ZNF395: variants seen among roughly 807,000 people sequenced by gnomAD.
ZNF395 encodes zinc finger protein 395.
In ZNF395, 20 loss-of-function variants were observed where a neutral mutation model predicts 57.7. The ratio of observed to expected loss-of-function variants is 0.35; its 90% CI spans 0.24 to 0.50. ZNF395 has a LOEUF of 0.50. Among genes scored for constraint, ZNF395 ranks in the 20% least tolerant of loss-of-function variants. The pLI, the probability that ZNF395 is intolerant of heterozygous loss-of-function variation, is 0.97. For missense variants in ZNF395, 606 were observed against 671.2 expected (o/e 0.90, Z 1.07); for synonymous variants, 295 against 275.9 (o/e 1.07, Z -0.69).
chr8:28,372,917 C>T (rs1001137971), intron 1 of ZNF395, among the ~76,000 whole-genome samples: 3 of 152,156 alleles, frequency 2.0e-5, no homozygotes, highest in African/African-American at 4.8e-5. Flanking sequence ...AGGAGGGCCC[C>T]AAGAGAATCC....
chr8:28,367,807 G>GT (rs1801928996), intron 1 of ZNF395, among the ~76,000 whole-genome samples: 1 of 152,228 alleles, frequency 6.6e-6, no homozygotes. Flanking sequence ...TCTTCCAGCG[G>GT]TAAGAAGAGG....
rs772548660 is a variant in ZNF395, at chr8:28,361,091, G to A, written c.34C>T (p.Arg12Trp). 8.7e-6 allele frequency: 14 copies of A among 1,612,458 alleles called. No individual in the cohort carries two copies. Among genetic ancestry groups the A allele is most frequent in the East Asian group, 2.2e-5 (1 of 44,892 alleles). ...ASVLSRRLGKRSLLGARVLGP... is the reference protein window; with the variant it reads ...ASVLSRRLGKWSLLGARVLGP... ...AACACCCGGGCTCCCAGGAGGGACC[G>A]CTTTCCAAGGCGTCGGGACAGGACA... The change falls in exon 2 of 10, where the codon CGG becomes TGG. Residue 12 changes from arginine to tryptophan, a missense_variant. Transcript: ENST00000344423.
At chr8:28,355,030 A>G (rs1020032190) in intron 4 of ZNF395, among the ~76,000 whole-genome samples, 2 of 152,106 alleles carry the variant, frequency 1.3e-5, no homozygotes, top group Non-Finnish European at 2.9e-5. Context: ...ACATAAAGCA[A>G]AACGTTATCT....
At position 28,351,800 on chromosome 8, in the gene ZNF395, C is replaced by A; in HGVS notation, c.928G>T (p.Val310Leu). ...HVKALHLGDT[V>L]DSDQFKREED... Reference sequence around the variant, plus strand: ...TCCCGCTTGAACTGATCAGAGTCCACTGTGTCCCTGTGTGGGAGGGAGATG... The same window carrying A: ...TCCCGCTTGAACTGATCAGAGTCCAATGTGTCCCTGTGTGGGAGGGAGATG... Residue 310 changes from valine (V) to leucine (L), a missense_variant, in exon 7 of 10, where the codon GTG (valine) becomes TTG (leucine). Around this residue, in one of 3 missense-constraint regions of ZNF395, gnomAD observed 261 missense variants for 240.3 expected, o/e 1.09. Coordinates refer to ENST00000344423, the MANE Select transcript of ZNF395 (RefSeq NM_018660.3). 6.5e-7 allele frequency: 1 copy of A among 1,544,016 alleles called. No individual in the cohort carries two copies. The highest frequency in any genetic ancestry group is 8.7e-7 in the Non-Finnish European group (1 of 1,146,946).
intron 9 of ZNF395, 130 bp downstream of exon 9, chr8:28,348,995 G>T: frequency 8.6e-7 from 1 of 1,158,816 alleles, no homozygotes; most frequent in Non-Finnish European, 1.3e-6. Flanking sequence ...CATCCCATCT[G>T]GTGCATCCGC....
At chr8:28,360,007 C>T (rs911539049) in intron 2 of ZNF395, among the ~76,000 whole-genome samples, 183 bp from the exon 3 acceptor site, 2 of 152,226 alleles carry the variant, frequency 1.3e-5, no homozygotes, top group African/African-American at 2.4e-5. Context: ...CCCACACAGG[C>T]CCAATTCCTC....
chr8:28,351,717 A>C lies in ZNF395; in HGVS notation c.1011T>G (p.Ala337=). The change falls in exon 7 of 10, where the codon GCT becomes GCG. Residue 337 remains alanine, a synonymous_variant. Coordinates refer to ENST00000344423, the MANE Select transcript of ZNF395 (RefSeq NM_018660.3). ...QLKEESAAAA[A]AAAAGTPVPG... ...GGACTGGGGTGCCTGCGGCAGCAGCAGCAGCAGCAGCAGCAGATTCCTCCT... is the reference window on the plus strand; with the variant it reads ...GGACTGGGGTGCCTGCGGCAGCAGCCGCAGCAGCAGCAGCAGATTCCTCCT... 1 of 1,607,620 alleles carries C rather than the reference A, an allele frequency of 6.2e-7. No homozygotes were observed. The highest frequency in any genetic ancestry group is 8.5e-7 in the Non-Finnish European group (1 of 1,179,650).
chr8:28,359,747 G>A lies in ZNF395; in HGVS notation c.318C>T (p.Val106=), dbSNP rs1324186227. The change falls in exon 3 of 10, where the codon GTC becomes GTT. Residue 106 remains valine, a synonymous_variant. Coordinates refer to ENST00000344423, the MANE Select transcript of ZNF395 (RefSeq NM_018660.3). The surrounding 1 kb of genome is among the most constrained non-coding windows in gnomAD (Gnocchi z 4.7). ...QHSWMEGQVT[V]WLLEQKLQVC... ...CCTGCAGCTTCTGCTCCAGCAGCCA[G>A]ACGGTCACCTGACCCTCCATCCAGC... The A allele has an allele frequency of 6.2e-7, 1 of 1,614,134 alleles. No individual in the cohort carries two copies. Among genetic ancestry groups the A allele is most frequent in the Middle Eastern group, 1.6e-4 (1 of 6,062 alleles).
intron 1 of ZNF395, among the ~76,000 whole-genome samples, chr8:28,377,136 A>G (rs1802051367): frequency 6.6e-6 from 1 of 152,262 alleles, no homozygotes; most frequent in Admixed American, 6.5e-5. Context: ...AAAGTTTTAA[A>G]TAATCAGGGC....
At chr8:28,381,048 TG>T (rs1333937641) in intron 1 of ZNF395, among the ~76,000 whole-genome samples, 9 of 148,904 alleles carry the variant, frequency 6.0e-5, no homozygotes, top group Non-Finnish European at 1.2e-4. Flanking sequence ...TGTGTGTGTG[TG>T]TGTGTGTGTT....
chr8:28,363,191 G>A (rs950734457), intron 1 of ZNF395, among the ~76,000 whole-genome samples: 2 of 151,682 alleles, frequency 1.3e-5, no homozygotes, highest in African/African-American at 2.4e-5. Flanking sequence ...GAGTGCAGTG[G>A]CGTGATCTCA....
rs1280095663 is a variant in ZNF395, at chr8:28,366,117, G to A, written c.-58-4935C>T. On this transcript the variant is annotated intron_variant, in intron 1 of 9. Transcript: ENST00000344423. ...CGTGGGGTTTATTTTAACTTAAGAA[G>A]GGTGAAGTTTGGAGTAAGACTCCTA... is the stretch of plus-strand genomic sequence containing the variant. Among the ~76,000 whole-genome samples, 3 of 152,198 alleles carry A rather than the reference G, an allele frequency of 2.0e-5. No homozygotes were observed. In the East Asian group the frequency reaches 5.8e-4, roughly 29 times the overall value.
chr8:28,383,555 C>T (rs539008361), intron 1 of ZNF395, among the ~76,000 whole-genome samples: 1 of 152,294 alleles, frequency 6.6e-6, no homozygotes, highest in South Asian at 2.1e-4. Context: ...TTAGAAGAAT[C>T]AACAGCCCAT....
intron 7 of ZNF395, 63 bp downstream of exon 7, chr8:28,351,432 A>G (rs1408699783): frequency 1.4e-5 from 21 of 1,500,000 alleles, no homozygotes; most frequent in Non-Finnish European, 1.9e-5. Context: ...GGTAGCCTGT[A>G]ATCAAGCTGG....
rs1367170336 is a variant in ZNF395 at position 28,348,170 on chromosome 8, G to C, written c.*549C>G. 6.6e-6 allele frequency: 1 copy of C among 152,074 alleles called. No individual in the cohort carries two copies. The highest frequency in any genetic ancestry group is 2.4e-5 in the African/African-American group (1 of 41,346). The allele number at this position is 152,074 out of a possible 1,614,324, so 9.4% of individuals were successfully genotyped here. A position where few individuals can be genotyped will look rare whatever the true frequency, so the allele number is the denominator to read the frequency against. The stretch of plus-strand genomic sequence containing the variant: ...ACTTCCATGCAGGATGCTCAGACAG[G>C]GAACAGGAGGTACCCTCCGAGAAGG... On this transcript the variant is annotated 3_prime_UTR_variant, in exon 10 of 10. Coordinates refer to ENST00000344423, the MANE Select transcript of ZNF395 (RefSeq NM_018660.3).
intron 1 of ZNF395, among the ~76,000 whole-genome samples, chr8:28,367,675 C>T (rs976365352): frequency 6.6e-5 from 10 of 152,156 alleles, no homozygotes; most frequent in Non-Finnish European, 1.0e-4. Context: ...TTCACACTAC[C>T]CTATTACACA....
Position 28,357,876 on chromosome 8 carries a change from C to T in ZNF395, c.474-1097G>A, listed in dbSNP as rs183125788. Among the ~76,000 whole-genome samples, 42 of 152,162 alleles carry T rather than the reference C, an allele frequency of 2.8e-4. No individual in the cohort carries two copies. In the East Asian group the frequency reaches 7.3e-3, roughly 27 times the overall value. ...ATCTTGTATATAAGACAATTTCAGT[C>T]GACAGATTTTCCTTTTAAATCTTAA... On this transcript the variant is annotated intron_variant, in intron 3 of 9. Coordinates refer to ENST00000344423, the MANE Select transcript of ZNF395 (RefSeq NM_018660.3).
intron 1 of ZNF395, among the ~76,000 whole-genome samples, chr8:28,380,267 C>T (rs1802093360): frequency 6.6e-6 from 1 of 152,198 alleles, no homozygotes; most frequent in South Asian, 2.1e-4. Context: ...TACTGAAAAT[C>T]TCAAAACGCT....
In ZNF395 at chr8:28,351,340, C is replaced by T. The variant is rs1801679449; in HGVS notation, c.1233+155G>A. On this transcript the variant is annotated intron_variant, in intron 7 of 9. Coordinates refer to ENST00000344423, the MANE Select transcript of ZNF395 (RefSeq NM_018660.3). ...TCCAGGAATTCCCACATTTATTGAG[C>T]AGTGAATTCGGTTTCCTTTTGTTTC... is the stretch of plus-strand genomic sequence containing the variant. 4.1e-6 allele frequency: 3 copies of T among 725,666 alleles called. No homozygotes were observed. The East Asian group carries it at 8.1e-5, about 20-fold the overall frequency. 45.0% of individuals were successfully genotyped at this position (725,666 alleles called of 1,614,324 possible). A position where few individuals can be genotyped will look rare whatever the true frequency, so the allele number is the denominator to read the frequency against.
Sources: allele counts gnomAD v4.1 joint callset (sites outside exome capture counted in the v4.1 genomes callset), GRCh38; gene constraint gnomAD v4.1.1; regional missense constraint gnomAD v4.1.1; non-coding constraint Gnocchi (gnomAD v3.1); transcripts MANE v1.5; gene names NCBI Gene and HGNC (gene_info 2026-07-23, HGNC 2026-07-21).